The following EHMT1 variants were observed in gnomAD, a reference collection of about 807,000 sequenced individuals.
EHMT1 encodes histone-lysine N-methyltransferase EHMT1.
In EHMT1, 15 loss-of-function variants were observed where a neutral mutation model predicts 147.2. That is an observed-to-expected ratio of 0.10 (90% confidence interval 0.07 to 0.16). EHMT1 has a LOEUF of 0.16. Among genes scored for constraint, EHMT1 ranks in the 10% least tolerant of loss-of-function variants. The probability of loss-of-function intolerance (pLI) is 1.00; values close to 1 mark genes in which losing one functional copy is unlikely to be tolerated. For synonymous variants in EHMT1, 795 were observed against 709.6 expected (o/e 1.12, Z -1.91); for missense variants, 1,587 against 1,772.4 (o/e 0.90, Z 1.88).
At chr9:137,670,754 A>G (rs1032578259) in intron 1 of EHMT1, among the ~76,000 whole-genome samples, 1 of 152,100 alleles carries the variant, frequency 6.6e-6, no homozygotes, top group Non-Finnish European at 1.5e-5. Flanking sequence ...TTCCTCGTGT[A>G]GCCTCCCTGG....
rs560338601 is a variant in EHMT1 at position 137,834,384 on chromosome 9, C to T, written c.3576C>T (p.Tyr1192=). ...GEVYCIDARF[Y]GNVSRFINHH... ...TTTACTGCATCGACGCGCGGTTCTA[C>T]GGGAACGTCAGCCGGTTCATCAACC... Residue 1192 remains tyrosine (Y), a synonymous_variant, in exon 26 of 27, where the codon TAC becomes TAT. Coordinates refer to ENST00000460843, the MANE Select transcript of EHMT1 (RefSeq NM_024757.5). The T allele has an allele frequency of 5.6e-6, 9 of 1,613,246 alleles. No individual in the cohort carries two copies. Among genetic ancestry groups the T allele is most frequent in the African/African-American group, 4.0e-5 (3 of 75,050 alleles).
intron 3 of EHMT1, among the ~76,000 whole-genome samples, chr9:137,726,133 A>G (rs575151122): frequency 2.9e-4 from 44 of 152,150 alleles, no homozygotes; most frequent in African/African-American, 1.0e-3. Context: ...AAAACACATA[A>G]TATCAAACTT....
At chr9:137,788,640 G>A (rs904999679) in intron 15 of EHMT1, 1 of 152,338 alleles carries the variant, frequency 6.6e-6, no homozygotes, top group African/African-American at 2.4e-5. Context: ...CGGGGACTGG[G>A]AGAGCGACTG....
At chr9:137,800,015 G>C (rs1413457018) in intron 17 of EHMT1, among the ~76,000 whole-genome samples, 1 of 152,200 alleles carries the variant, frequency 6.6e-6, no homozygotes, top group Non-Finnish European at 1.5e-5. Flanking sequence ...GGGAGATGTA[G>C]CTTTAATCAT....
Position 137,711,020 on chromosome 9 carries a change from G to T in EHMT1, c.75G>T (p.Leu25=). 3.1e-6 allele frequency: 5 copies of T among 1,593,582 alleles called. No individual in the cohort carries two copies. Among genetic ancestry groups the T allele is most frequent in the Non-Finnish European group, 4.3e-6 (5 of 1,170,684 alleles). Reference sequence around the variant, plus strand: ...AGGATTGCTGTGTGAAAACCGAGCTGCTGGGAGAAGGTGAGGGCGGTGTGC... The same window carrying T: ...AGGATTGCTGTGTGAAAACCGAGCTTCTGGGAGAAGGTGAGGGCGGTGTGC... The part of the protein sequence containing the change: ...PQQDCCVKTE[L]LGEETPMAAD... The change falls in exon 2 of 27, where the codon CTG becomes CTT. Residue 25 remains leucine, a synonymous_variant. Coordinates refer to ENST00000460843, the MANE Select transcript of EHMT1 (RefSeq NM_024757.5).
chr9:137,800,820 C>T, intron 17 of EHMT1, 60 bp from the exon 18 acceptor site: 2 of 1,508,418 alleles, frequency 1.3e-6, no homozygotes, highest in African/African-American at 2.7e-5. Flanking sequence ...TGGGAGTCCT[C>T]ATTGCTCTGG....
At chr9:137,626,029 A>ATT (rs768825527) in intron 1 of EHMT1, among the ~76,000 whole-genome samples, 1 of 111,558 alleles carries the variant, frequency 9.0e-6, no homozygotes, top group Non-Finnish European at 1.9e-5. Context: ...CTAATTTTGT[A>ATT]TTTTTTTTTT....
intron 4 of EHMT1, among the ~76,000 whole-genome samples, chr9:137,734,685 G>T (rs1397249392): frequency 6.6e-6 from 1 of 152,224 alleles, no homozygotes; most frequent in Non-Finnish European, 1.5e-5. Context: ...GAAAGACAAA[G>T]AGAATCTTGA....
intron 14 of EHMT1, among the ~76,000 whole-genome samples, chr9:137,780,242 T>C (rs2136784963): frequency 6.9e-6 from 1 of 144,564 alleles, no homozygotes; most frequent in East Asian, 2.1e-4. Flanking sequence ...GACGCTGGGA[T>C]GTGTGGTGAT....
Position 137,720,124 on chromosome 9 carries a change from C to T in EHMT1, c.642+2942C>T, listed in dbSNP as rs540873655. 4.6e-5 allele frequency among the ~76,000 whole-genome samples: 6 copies of T among 129,692 alleles called. No individual in the cohort carries two copies. The East Asian group carries it at 1.4e-3, about 30-fold the overall frequency. 85.1% of individuals were successfully genotyped at this position (129,692 alleles called of 152,430 possible). On this transcript the variant is annotated intron_variant, in intron 3 of 26. Coordinates refer to ENST00000460843, the MANE Select transcript of EHMT1 (RefSeq NM_024757.5). ...AACCCCCTCCACACCAGGGCACAGT[C>T]GAGGTGCCGAACCCCCTCCACACCA...
chr9:137,759,210 TTTTCCTC>T (rs1949619572), intron 9 of EHMT1, among the ~76,000 whole-genome samples: 1 of 152,132 alleles, frequency 6.6e-6, no homozygotes, highest in Non-Finnish European at 1.5e-5. Context: ...CGATGATATT[TTTTCCTC>T]TTCTTGCACC....
rs1450648483 is a variant in EHMT1, at chr9:137,813,668, T to G, written c.3180+138T>G. The G allele has an allele frequency of 1.6e-6, 2 of 1,262,564 alleles. No individual in the cohort carries two copies. The highest frequency in any genetic ancestry group is 5.0e-5 in the East Asian group (2 of 39,736). The allele number at this position is 1,262,564 out of a possible 1,614,324, so 78.2% of individuals were successfully genotyped here. On this transcript the variant is annotated intron_variant, in intron 21 of 26. Coordinates refer to ENST00000460843, the MANE Select transcript of EHMT1 (RefSeq NM_024757.5). The surrounding 1 kb of genome is among the most constrained non-coding windows in gnomAD (Gnocchi z 4.9). ...GCTTCCCAGGAAGACCTCATTCTCT[T>G]TGTAGTTGCCTCCCGTGAAAGAGCT... is the stretch of plus-strand genomic sequence containing the variant.
intron 1 of EHMT1, among the ~76,000 whole-genome samples, chr9:137,689,851 T>A (rs1942781175): frequency 6.6e-6 from 1 of 152,206 alleles, no homozygotes; most frequent in Admixed American, 6.5e-5. Context: ...TGGGAATGAC[T>A]GCAGTTGTGG....
intron 25 of EHMT1, chr9:137,820,236 A>G (rs995867393): frequency 2.6e-5 from 4 of 152,296 alleles, no homozygotes; most frequent in African/African-American, 9.6e-5. Context: ...GTCACAGTGT[A>G]CAGGCATCTC....
chr9:137,681,188 C>G (rs981906481), intron 1 of EHMT1, among the ~76,000 whole-genome samples: 3 of 152,108 alleles, frequency 2.0e-5, no homozygotes, highest in African/African-American at 7.2e-5. Context: ...GGAGGGAGAA[C>G]TGGGTGGTTC....
chr9:137,676,321 G>C (rs971844633), intron 1 of EHMT1: 54 of 152,380 alleles, frequency 3.5e-4, no homozygotes, highest in African/African-American at 1.3e-3. Flanking sequence ...TGCCTGCCTC[G>C]GCCCTGCAAA....
intron 2 of EHMT1, among the ~76,000 whole-genome samples, chr9:137,711,463 C>T (rs1235241689): frequency 6.6e-6 from 1 of 152,140 alleles, no homozygotes; most frequent in Non-Finnish European, 1.5e-5. Context: ...ACTGACGCCG[C>T]GCCATGGATG....
In EHMT1 at chr9:137,648,343, T is replaced by C. The variant is rs116616712; in HGVS notation, c.21+29294T>C. 6.7e-3 allele frequency among the ~76,000 whole-genome samples: 1,014 copies of C among 152,148 alleles called. 17 individuals carry two copies. The highest frequency in any genetic ancestry group is 0.022 in the African/African-American group (925 of 41,526). On this transcript the variant is annotated intron_variant, in intron 1 of 26. Transcript: ENST00000460843. ...AGTGAAATTCAGTAAAGGAACTGGATATAAAATTGATACATTAAGTCAGTA... is the reference window on the plus strand; with the variant it reads ...AGTGAAATTCAGTAAAGGAACTGGACATAAAATTGATACATTAAGTCAGTA...
At chr9:137,707,981 A>G (rs1035849507) in intron 1 of EHMT1, among the ~76,000 whole-genome samples, 3 of 152,218 alleles carry the variant, frequency 2.0e-5, no homozygotes, top group African/African-American at 7.2e-5. Flanking sequence ...AGGACCCCAG[A>G]GGGCTCTTGT....
Sources: allele counts gnomAD v4.1 joint callset (sites outside exome capture counted in the v4.1 genomes callset), GRCh38; gene constraint gnomAD v4.1.1; non-coding constraint Gnocchi (gnomAD v3.1); transcripts MANE v1.5; gene names NCBI Gene and HGNC (gene_info 2026-07-23, HGNC 2026-07-21).